CORO2A: variants seen among roughly 807,000 people sequenced by gnomAD.
CORO2A encodes the protein coronin 2A.
CORO2A carries 47 observed loss-of-function variants against 62.4 expected under a neutral mutation model. The ratio of observed to expected loss-of-function variants is 0.75; its 90% CI spans 0.60 to 0.96. The LOEUF (loss-of-function observed/expected upper bound fraction) is 0.96. Ranked by LOEUF, CORO2A falls within the 40% of genes least tolerant of loss-of-function variation. The probability of loss-of-function intolerance (pLI) is 0.00; values close to 1 mark genes in which losing one functional copy is unlikely to be tolerated. For synonymous variants in CORO2A, 273 were observed against 268.9 expected, an observed-to-expected ratio of 1.02 and a Z score of -0.15; for missense variants, 610 against 684.1, an observed-to-expected ratio of 0.89 and a Z score of 1.21.
chr9:98,162,277 G>A (rs192964237), intron 1 of CORO2A, among the ~76,000 whole-genome samples: 1 of 152,236 alleles, frequency 6.6e-6, no homozygotes, highest in African/African-American at 2.4e-5. Context: ...CACAGCCCTG[G>A]ATCTCACCTC....
At chr9:98,135,176 G>A (rs1291190361) in intron 3 of CORO2A, among the ~76,000 whole-genome samples, 1 of 152,178 alleles carries the variant, frequency 6.6e-6, no homozygotes, top group Non-Finnish European at 1.5e-5. Flanking sequence ...CCTGAGCAGG[G>A]GCCAGCGCTG....
chr9:98,160,837 TG>T (rs577258600), intron 1 of CORO2A, among the ~76,000 whole-genome samples: 416 of 151,206 alleles, frequency 2.8e-3, no homozygotes, highest in Non-Finnish European at 4.3e-3. Context: ...CTGCCTCCTA[TG>T]ACCCGTTAGC....
At chr9:98,160,686 C>A (rs1329507228) in intron 1 of CORO2A, among the ~76,000 whole-genome samples, 1 of 152,192 alleles carries the variant, frequency 6.6e-6, no homozygotes, top group African/African-American at 2.4e-5. Context: ...CTCCAGGCCC[C>A]CCCACTCCTC....
chr9:98,162,996 A>G (rs1489508215), intron 1 of CORO2A, among the ~76,000 whole-genome samples: 1 of 152,178 alleles, frequency 6.6e-6, no homozygotes, highest in Non-Finnish European at 1.5e-5. Flanking sequence ...TCAAAGCCAC[A>G]ACAGGCATTC....
chr9:98,144,199 A>G (rs1287549402), intron 2 of CORO2A, among the ~76,000 whole-genome samples: 1 of 152,154 alleles, frequency 6.6e-6, no homozygotes, highest in South Asian at 2.1e-4. Flanking sequence ...GAAGAAAAAA[A>G]AAAAAAAAGC....
chr9:98,183,275 A>G (rs971741484), intron 1 of CORO2A, among the ~76,000 whole-genome samples: 1 of 152,232 alleles, frequency 6.6e-6, no homozygotes, highest in Non-Finnish European at 1.5e-5. Context: ...CTGTGCTTGC[A>G]GCCACCCAAA....
chr9:98,170,037 T>C (rs946695008), intron 1 of CORO2A, among the ~76,000 whole-genome samples: 1 of 152,246 alleles, frequency 6.6e-6, no homozygotes, highest in Non-Finnish European at 1.5e-5. Context: ...TATTTGTCTC[T>C]GTGCCGTAGC....
At chr9:98,125,535 T>C (rs747364299) in intron 11 of CORO2A, among the ~76,000 whole-genome samples, 3 of 152,132 alleles carry the variant, frequency 2.0e-5, no homozygotes, top group Non-Finnish European at 4.4e-5. Flanking sequence ...TCCAGGGCTG[T>C]TGAGAGAATT....
chr9:98,157,578 G>A lies in CORO2A; in HGVS notation c.83C>T (p.Ser28Phe). 1.9e-6 allele frequency: 3 copies of A among 1,614,150 alleles called. No individual in the cohort carries two copies. Among genetic ancestry groups the A allele is most frequent in the Non-Finnish European group, 2.5e-6 (3 of 1,180,004 alleles). ...KPASKENCYDSVPITRSVHDN... is the reference protein window; with the variant it reads ...KPASKENCYDFVPITRSVHDN... Reference sequence around the variant, plus strand: ...GTGAACGCTGCGGGTGATAGGCACGGAGTCGTAGCAGTTCTCCTTGCTGGC... The same window carrying A: ...GTGAACGCTGCGGGTGATAGGCACGAAGTCGTAGCAGTTCTCCTTGCTGGC... Residue 28 changes from serine to phenylalanine, a missense_variant, in exon 2 of 12, where the codon TCC (serine) becomes TTC (phenylalanine). Ser to Phe is a radical substitution (Grantham distance 155). Transcript: ENST00000375077.
chr9:98,158,857 A>ACACACG (rs1827843615), intron 1 of CORO2A, among the ~76,000 whole-genome samples: 1 of 149,960 alleles, frequency 6.7e-6, no homozygotes. Context: ...ACACACACAC[A>ACACACG]CACCATGTAT....
chr9:98,164,158 G>C (rs921223369), intron 1 of CORO2A, among the ~76,000 whole-genome samples: 1 of 152,200 alleles, frequency 6.6e-6, no homozygotes, highest in Non-Finnish European at 1.5e-5. Flanking sequence ...CACAGCCACA[G>C]TTAGGGAAGA....
Position 98,128,713 on chromosome 9 carries a change from A to G in CORO2A, c.974T>C (p.Met325Thr). 1 of 1,614,008 alleles carries G rather than the reference A, an allele frequency of 6.2e-7. No homozygotes were observed. Among genetic ancestry groups the G allele is most frequent in the Non-Finnish European group, 8.5e-7 (1 of 1,179,894 alleles). The change falls in exon 9 of 12, where the codon ATG (methionine) becomes ACG (threonine). Residue 325 changes from methionine (M) to threonine (T), a missense_variant. Physicochemically the swap from Met to Thr is moderately conservative, Grantham distance 81. Transcript: ENST00000375077. ...GGACACGTCGAGTCCTCTCTTTGGCATGACACCTGAAGGCAGACAGGGAGG... is the reference window on the plus strand; with the variant it reads ...GGACACGTCGAGTCCTCTCTTTGGCGTGACACCTGAAGGCAGACAGGGAGG... ...SYNPQKGIGV[M>T]PKRGLDVSSC...
At position 98,134,880 on chromosome 9, in the gene CORO2A, C is replaced by A. The variant is rs2231660; in HGVS notation, c.394G>T (p.Ala132Ser). The A allele has an allele frequency of 9.3e-6, 15 of 1,614,048 alleles. No homozygotes were observed. Among genetic ancestry groups the A allele is most frequent in the Non-Finnish European group, 1.3e-5 (15 of 1,180,032 alleles). ...TAYRKELVGH[A>S]RRVGLVEWHP... is the part of the protein sequence containing the mutation. ...CACTCCACCAGGCCTACTCTGCGCG[C>A]GTGGCCCACGAGTTCCTTCCTGTAG... The change falls in exon 4 of 12, where the codon GCG becomes TCG. Residue 132 changes from alanine (A) to serine (S), a missense_variant. Transcript: ENST00000375077.
chr9:98,149,549 T>G (rs1208649812), intron 2 of CORO2A, among the ~76,000 whole-genome samples: 3 of 152,202 alleles, frequency 2.0e-5, no homozygotes, highest in Non-Finnish European at 4.4e-5. Flanking sequence ...CAGGGGAGCT[T>G]CCAATCATGC....
chr9:98,178,139 T>C (rs1828133175), intron 1 of CORO2A, among the ~76,000 whole-genome samples: 1 of 152,100 alleles, frequency 6.6e-6, no homozygotes, highest in Non-Finnish European at 1.5e-5. Context: ...CTCCAACTCC[T>C]GGACTCAAGC....
At chr9:98,178,206 C>T (rs895526048) in intron 1 of CORO2A, among the ~76,000 whole-genome samples, 18 of 152,076 alleles carry the variant, frequency 1.2e-4, no homozygotes, top group African/African-American at 4.3e-4. Flanking sequence ...GCCACCATGC[C>T]CGGCTAATTA....
At chr9:98,137,229 C>T (rs2118823240) in intron 3 of CORO2A, among the ~76,000 whole-genome samples, 1 of 152,270 alleles carries the variant, frequency 6.6e-6, no homozygotes, top group Non-Finnish European at 1.5e-5. Flanking sequence ...AACATCTTTT[C>T]TGATCACCAT....
chr9:98,146,471 G>A lies in CORO2A; in HGVS notation c.202-8783C>T, dbSNP rs528471749. ...CATCTGAAACTGCCTGGGGCAGCCCGGCCCCTCTGAGAAGGACTTCCTGCA... is the reference window on the plus strand; with the variant it reads ...CATCTGAAACTGCCTGGGGCAGCCCAGCCCCTCTGAGAAGGACTTCCTGCA... On this transcript the variant is annotated intron_variant, in intron 2 of 11. Transcript: ENST00000375077. Among the ~76,000 whole-genome samples the A allele has an allele frequency of 7.9e-5, 12 of 152,302 alleles. No homozygotes were observed. The South Asian group carries it at 1.9e-3, about 24-fold the overall frequency.
chr9:98,147,657 T>C (rs1827659937), intron 2 of CORO2A, among the ~76,000 whole-genome samples: 1 of 152,178 alleles, frequency 6.6e-6, no homozygotes, highest in South Asian at 2.1e-4. Flanking sequence ...ACAAATATTT[T>C]AGCATAAGGA....
Sources: allele counts gnomAD v4.1 joint callset (sites outside exome capture counted in the v4.1 genomes callset), GRCh38; gene constraint gnomAD v4.1.1; transcripts MANE v1.5; gene names NCBI Gene and HGNC (gene_info 2026-07-23, HGNC 2026-07-21).